The following STPG2 variants were observed in gnomAD, a reference collection of about 807,000 sequenced individuals.
The protein encoded by STPG2 is sperm tail PG-rich repeat containing 2, also known as sperm-tail PG-rich repeat-containing protein 2.
Under a neutral mutation model 54.2 loss-of-function variants are expected in STPG2, and 56 were observed. The ratio of observed to expected loss-of-function variants is 1.03; its 90% CI spans 0.83 to 1.29. The LOEUF is 1.29. STPG2 is among the 50% of genes most tolerant of loss of function. The pLI is 0.00. For synonymous variants in STPG2, 200 were observed against 181.8 expected, an observed-to-expected ratio of 1.10 and a Z score of -0.81; for missense variants, 596 against 544.9, an observed-to-expected ratio of 1.09 and a Z score of -0.93.
In STPG2 at chr4:97,551,063, T is replaced by A. The variant is rs565333629; in HGVS notation, c.462+161636A>T. Among the ~76,000 whole-genome samples, 138 of 152,312 alleles carry A rather than the reference T, an allele frequency of 9.1e-4. 2 individuals carry two copies. The highest frequency in any genetic ancestry group is 3.4e-3 in the Middle Eastern group (1 of 294). The stretch of plus-strand genomic sequence containing the variant: ...GCTCAGGTGGCCAGCTTTTATTCCC[T>A]TATTTGGCTCTGCCCACATCCTGCT... On this transcript the variant is annotated intron_variant, in intron 4 of 4. Coordinates refer to the STPG2 transcript ENST00000522676.
intron 8 of STPG2, among the ~76,000 whole-genome samples, chr4:97,931,990 G>A (rs1293558228): frequency 6.6e-6 from 1 of 152,062 alleles, no homozygotes; most frequent in Non-Finnish European, 1.5e-5. Context: ...TATGTGTCCA[G>A]GAATTTACCC....
At chr4:97,797,949 T>A (rs1331786979) in intron 9 of STPG2, among the ~76,000 whole-genome samples, 1 of 152,224 alleles carries the variant, frequency 6.6e-6, no homozygotes, top group African/African-American at 2.4e-5. Flanking sequence ...TATCCATTTC[T>A]TCTAGATTTT....
At chr4:97,939,120 G>T (rs1226608316) in intron 8 of STPG2, among the ~76,000 whole-genome samples, 3 of 152,120 alleles carry the variant, frequency 2.0e-5, no homozygotes, top group East Asian at 3.9e-4. Context: ...GCATGATTTT[G>T]AGTGATTTTT....
In STPG2 at chr4:97,984,195, A is replaced by G. The variant is rs141807862; in HGVS notation, c.613-2877T>C. ...TTTTTCTGAGACAGAGTCTCATTCC[A>G]TCACACAGGCGCAATCTCGACTCAC... On this transcript the variant is annotated intron_variant, in intron 5 of 10. Transcript: ENST00000295268. Among the ~76,000 whole-genome samples, 5 of 152,196 alleles carry G rather than the reference A, an allele frequency of 3.3e-5. No individual in the cohort carries two copies. In the South Asian group the frequency reaches 6.2e-4, roughly 19 times the overall value.
chr4:98,018,876 T>G (rs1417206817), intron 5 of STPG2, among the ~76,000 whole-genome samples: 1 of 151,900 alleles, frequency 6.6e-6, no homozygotes, highest in African/African-American at 2.4e-5. Flanking sequence ...TTTGTTTTTT[T>G]TTTGTAAATT....
chr4:98,055,509 G>T (rs1033679056), intron 5 of STPG2, among the ~76,000 whole-genome samples: 3 of 152,118 alleles, frequency 2.0e-5, no homozygotes, highest in African/African-American at 7.2e-5. Flanking sequence ...GAGTTAAACT[G>T]GCAAGGAGCA....
intron 8 of STPG2, among the ~76,000 whole-genome samples, chr4:97,877,712 G>T (rs528073077): frequency 6.6e-6 from 1 of 152,148 alleles, no homozygotes; most frequent in East Asian, 1.9e-4. Context: ...TTCAAGATGG[G>T]ATTTGTGTGG....
intron 9 of STPG2, among the ~76,000 whole-genome samples, chr4:97,803,601 C>A (rs899106343): frequency 6.6e-6 from 1 of 152,090 alleles, no homozygotes; most frequent in East Asian, 1.9e-4. Context: ...GTGTTAATAG[C>A]GTAATCTCAG....
chr4:97,753,028 A>G (rs1466909933), intron 9 of STPG2, among the ~76,000 whole-genome samples: 1 of 151,944 alleles, frequency 6.6e-6, no homozygotes, highest in African/African-American at 2.4e-5. Context: ...CTTCAAATTC[A>G]TAAATAAAAA....
chr4:97,784,749 T>C (rs1310926441), intron 9 of STPG2, among the ~76,000 whole-genome samples: 1 of 151,978 alleles, frequency 6.6e-6, no homozygotes, highest in South Asian at 2.1e-4. Context: ...AAAATAATAT[T>C]TATATAAGTT....
At chr4:97,741,418 G>C (rs1056826438) in intron 9 of STPG2, among the ~76,000 whole-genome samples, 1 of 151,962 alleles carries the variant, frequency 6.6e-6, no homozygotes, top group Non-Finnish European at 1.5e-5. Flanking sequence ...CCATCAGAGT[G>C]AACAGGCAAC....
chr4:97,667,563 A>T (rs1722566737), intron 10 of STPG2, among the ~76,000 whole-genome samples: 1 of 152,198 alleles, frequency 6.6e-6, no homozygotes, highest in Non-Finnish European at 1.5e-5. Flanking sequence ...CAGGTAAGGC[A>T]TGTTAACGAG....
At chr4:97,976,248 A>G (rs1055578776) in intron 6 of STPG2, among the ~76,000 whole-genome samples, 1 of 152,212 alleles carries the variant, frequency 6.6e-6, no homozygotes, top group Non-Finnish European at 1.5e-5. Context: ...GGTAATGTTT[A>G]GGAAAAAGAT....
intron 5 of STPG2, among the ~76,000 whole-genome samples, chr4:98,047,517 C>A (rs1737172510): frequency 6.6e-6 from 1 of 152,100 alleles, no homozygotes; most frequent in Non-Finnish European, 1.5e-5. Flanking sequence ...CATGGGATAG[C>A]TGCTGGAAGT....
chr4:97,811,934 GTTTCA>G (rs1727752882), intron 9 of STPG2, among the ~76,000 whole-genome samples: 1 of 151,960 alleles, frequency 6.6e-6, no homozygotes, highest in African/African-American at 2.4e-5. Context: ...GGATTCAGAT[GTTTCA>G]TTTGTAGTAT....
At position 97,964,569 on chromosome 4, in the gene STPG2, T is replaced by G. The variant is rs572099388; in HGVS notation, c.933+7711A>C. Among the ~76,000 whole-genome samples the G allele has an allele frequency of 2.0e-5, 3 of 152,244 alleles. No homozygotes were observed. In the South Asian group the frequency reaches 6.2e-4, roughly 32 times the overall value. ...TAAGTTTTAATGAACATTAAAAACC[T>G]GAAAAAACTAATATCTAAATTATAA... On this transcript the variant is annotated intron_variant, in intron 7 of 10. Coordinates refer to ENST00000295268, the MANE Select transcript of STPG2 (RefSeq NM_174952.3).
chr4:97,695,055 A>C (rs1438093093), intron 10 of STPG2, among the ~76,000 whole-genome samples: 4 of 149,636 alleles, frequency 2.7e-5, no homozygotes, highest in Non-Finnish European at 5.9e-5. Context: ...CTATAGACCA[A>C]TGTCCCTGAT....
Position 97,445,430 on chromosome 4 carries a change from C to T in STPG2, c.463-257597G>A, listed in dbSNP as rs77451147. Among the ~76,000 whole-genome samples, 920 of 152,130 alleles carry T rather than the reference C, an allele frequency of 6.0e-3. 7 individuals are homozygous for T. Among genetic ancestry groups the T allele is most frequent in the African/African-American group, 0.021 (875 of 41,502 alleles). ...CACAAAAGTAATTTTATTTTTCTAA[C>T]GACCACATAAGAAGTAAAAATAAAC... is the stretch of plus-strand genomic sequence containing the variant. On this transcript the variant is annotated intron_variant, in intron 4 of 4. Coordinates refer to the STPG2 transcript ENST00000522676.
chr4:98,094,205 G>A (rs1738778017), intron 5 of STPG2, among the ~76,000 whole-genome samples: 1 of 152,140 alleles, frequency 6.6e-6, no homozygotes, highest in Non-Finnish European at 1.5e-5. Context: ...AGAGTATTGA[G>A]CAGAGTTGTG....
Sources: allele counts gnomAD v4.1 joint callset (sites outside exome capture counted in the v4.1 genomes callset), GRCh38; gene constraint gnomAD v4.1.1; transcripts MANE v1.5; gene names NCBI Gene and HGNC (gene_info 2026-07-23, HGNC 2026-07-21).